The following ZBBX variants were observed in gnomAD, a reference collection of about 807,000 sequenced individuals.
The protein encoded by ZBBX is zinc finger B-box domain containing.
In ZBBX, 101 loss-of-function variants were observed where a neutral mutation model predicts 108.5. The observed-to-expected ratio is 0.93, with a 90% CI of 0.79 to 1.10. The LOEUF is 1.10. Among genes scored for constraint, ZBBX ranks in the 50% least tolerant of loss-of-function variants. The probability of loss-of-function intolerance (pLI) is 0.00; values close to 1 mark genes in which losing one functional copy is unlikely to be tolerated. For synonymous variants in ZBBX, 356 were observed against 323.4 expected (o/e 1.10, Z -1.08); for missense variants, 1,009 against 941.4 (o/e 1.07, Z -0.94).
At chr3:167,278,557 T>A (rs1328151774) in intron 20 of ZBBX, among the ~76,000 whole-genome samples, 1 of 146,828 alleles carries the variant, frequency 6.8e-6, no homozygotes, top group South Asian at 2.3e-4. Context: ...CAGGAAGAAG[T>A]TGAATCTCTG....
chr3:167,278,689 C>T lies in ZBBX; in HGVS notation c.2254+3549G>A, dbSNP rs1384842063. 9.2e-5 allele frequency among the ~76,000 whole-genome samples: 14 copies of T among 151,578 alleles called. No individual in the cohort carries two copies. The South Asian group carries it at 2.9e-3, about 32-fold the overall frequency. On this transcript the variant is annotated intron_variant, in intron 20 of 21. Coordinates refer to ENST00000675490, the MANE Select transcript of ZBBX (RefSeq NM_001199201.2). ...CAGAGGTACAAGGAGGAACTGGTAC[C>T]ATTCCTTCTGAAACTACTCCAATCA...
chr3:167,239,635 TATTTATATTATAGGTAAGACTTCC>T (rs1399964965), downstream of ZBBX, among the ~76,000 whole-genome samples: 3 of 152,116 alleles, frequency 2.0e-5, no homozygotes, highest in African/African-American at 7.2e-5. Context: ...ATGTGTTGAC[TATTTATATTATAGGTAAGACTTCC>T]AGTCAACCAT....
At chr3:167,272,245 C>T (rs1233717885) in intron 20 of ZBBX, among the ~76,000 whole-genome samples, 1 of 152,098 alleles carries the variant, frequency 6.6e-6, no homozygotes, top group African/African-American at 2.4e-5. Context: ...TACCTATATC[C>T]CTACGTTTGA....
the ZBBX span, among the ~76,000 whole-genome samples, chr3:167,214,613 C>A: frequency 2.0e-5 from 3 of 152,104 alleles, no homozygotes; most frequent in Admixed American, 2.0e-4. Flanking sequence ...ATGTTCAGGA[C>A]CTGAACTCAA....
At position 167,242,517 on chromosome 3, in the gene ZBBX, A is replaced by G. The variant is rs976232306; in HGVS notation, c.2381T>C (p.Val794Ala). 2 of 1,606,692 alleles carry G rather than the reference A, an allele frequency of 1.2e-6. No homozygotes were observed. The highest frequency in any genetic ancestry group is 1.7e-6 in the Non-Finnish European group (2 of 1,177,428). Residue 794 changes from valine (V) to alanine (A), a missense_variant, in exon 21 of 22, where the codon GTT (valine) becomes GCT (alanine). Val to Ala is a moderately conservative substitution (Grantham distance 64). Coordinates refer to ENST00000675490, the MANE Select transcript of ZBBX (RefSeq NM_001199201.2). ...AGGCTTAACTTACCTCAATTCCTCA[A>G]CTCCACAGGGACCCCTCACATGTGA... ...KTSHVRGPCG[V>A]EELSCSGRDT...
intron 17 of ZBBX, among the ~76,000 whole-genome samples, chr3:167,300,926 T>C (rs1181019330): frequency 6.6e-6 from 1 of 151,740 alleles, no homozygotes; most frequent in Non-Finnish European, 1.5e-5. Context: ...TTTTTTTTTT[T>C]TTTTTTTAAC....
chr3:167,264,910 C>A (rs12490259), intron 20 of ZBBX, among the ~76,000 whole-genome samples: 122,199 of 152,218 alleles, frequency 0.8, 49,271 homozygotes, highest in East Asian at 0.91. Flanking sequence ...CTAAAGCCCA[C>A]GGGCTCTTCC....
intron 20 of ZBBX, among the ~76,000 whole-genome samples, chr3:167,261,758 T>C (rs913044276): frequency 2.4e-5 from 3 of 123,180 alleles, no homozygotes; most frequent in Non-Finnish European, 4.8e-5. Context: ...TGTCCCAGGC[T>C]ACCCGCCTCC....
chr3:167,231,332 C>T, the ZBBX span, among the ~76,000 whole-genome samples: 1 of 151,710 alleles, frequency 6.6e-6, no homozygotes, highest in Non-Finnish European at 1.5e-5. Context: ...TGAAAAGGAG[C>T]AGTCAGTGAA....
At chr3:167,204,074 A>G in the ZBBX span, among the ~76,000 whole-genome samples, 1 of 152,174 alleles carries the variant, frequency 6.6e-6, no homozygotes, top group Non-Finnish European at 1.5e-5. Flanking sequence ...CAAGGAATTC[A>G]ATTTAAGTCC....
At chr3:167,203,155 G>C in the ZBBX span, among the ~76,000 whole-genome samples, 2 of 152,140 alleles carry the variant, frequency 1.3e-5, no homozygotes, top group Non-Finnish European at 2.9e-5. Flanking sequence ...CAAGATTAAA[G>C]TGTTGGCAGG....
chr3:167,185,663 T>A, the ZBBX span, among the ~76,000 whole-genome samples: 8 of 152,146 alleles, frequency 5.3e-5, no homozygotes, highest in Non-Finnish European at 1.0e-4. Context: ...AGTTCTAGCA[T>A]TCTTTAATAT....
chr3:167,320,204 G>A, intron 12 of ZBBX, among the ~76,000 whole-genome samples: 1 of 134,842 alleles, frequency 7.4e-6, no homozygotes. Flanking sequence ...AATGCATCTT[G>A]AGTTCCAGAA....
intron 13 of ZBBX, 148 bp from the exon 14 acceptor site, chr3:167,317,253 A>AAATACACATT: frequency 1.5e-6 from 1 of 666,642 alleles, no homozygotes; most frequent in South Asian, 2.3e-5. Flanking sequence ...AGTTCAAGTG[A>AAATACACATT]AATACACATT....
chr3:167,301,248 T>C (rs536039182), intron 17 of ZBBX, among the ~76,000 whole-genome samples: 38 of 152,332 alleles, frequency 2.5e-4, no homozygotes, highest in Non-Finnish European at 4.0e-4. Context: ...TGTAAATTAT[T>C]GGTGCTATGT....
chr3:167,315,512 CCAAATATTAGGTAAGAGTACAAACCTAT>C (rs1272194919), intron 15 of ZBBX, among the ~76,000 whole-genome samples: 1 of 152,106 alleles, frequency 6.6e-6, no homozygotes, highest in African/African-American at 2.4e-5. Context: ...ATTAAATAAT[CCAAATATTAGGTAAGAGTACAAACCTAT>C]CACTATAGAC....
At chr3:167,230,348 C>T in the ZBBX span, among the ~76,000 whole-genome samples, 1 of 151,660 alleles carries the variant, frequency 6.6e-6, no homozygotes. Context: ...CCACTAGTGA[C>T]ATAGTTATTA....
intron 20 of ZBBX, among the ~76,000 whole-genome samples, chr3:167,275,550 C>T (rs1358974412): frequency 2.0e-5 from 3 of 152,154 alleles, no homozygotes; most frequent in Non-Finnish European, 2.9e-5. Context: ...CACTCCCACC[C>T]GAATACTGCG....
At chr3:167,396,048 T>C (rs1748227169) in intron 1 of ZBBX, among the ~76,000 whole-genome samples, 1 of 152,036 alleles carries the variant, frequency 6.6e-6, no homozygotes, top group Non-Finnish European at 1.5e-5. Context: ...CATGGCATGA[T>C]TGCGGAATTC....
Sources: allele counts gnomAD v4.1 joint callset (sites outside exome capture counted in the v4.1 genomes callset), GRCh38; gene constraint gnomAD v4.1.1; transcripts MANE v1.5; gene names NCBI Gene and HGNC (gene_info 2026-07-23, HGNC 2026-07-21).